Variants in GLI2 observed in about 807,000 individuals in gnomAD.
The protein encoded by GLI2 is transcription activator GLI2.
GLI2 carries 22 observed loss-of-function variants against 78.9 expected under a neutral mutation model. The observed-to-expected ratio is 0.28, with a 90% CI of 0.20 to 0.40. GLI2 has a LOEUF of 0.40. Ranked by LOEUF, GLI2 falls within the 10% of genes least tolerant of loss-of-function variation. GLI2 has a pLI of 1.00. For missense variants in GLI2, 2,097 were observed against 2,213.2 expected, an observed-to-expected ratio of 0.95 and a Z score of 1.05; for synonymous variants, 974 against 963.7, an observed-to-expected ratio of 1.01 and a Z score of -0.20.
intron 2 of GLI2, among the ~76,000 whole-genome samples, chr2:120,893,844 C>A (rs1677802118): frequency 6.6e-6 from 1 of 152,208 alleles, no homozygotes; most frequent in East Asian, 1.9e-4. Flanking sequence ...TTAGTCCAGG[C>A]CTTTGTGGAC....
Position 120,933,293 on chromosome 2 carries a change from A to G in GLI2, c.254+5827A>G, listed in dbSNP as rs1004658919. Among the ~76,000 whole-genome samples the G allele has an allele frequency of 3.9e-5, 6 of 152,180 alleles. No individual in the cohort carries two copies. In the East Asian group the frequency reaches 7.7e-4, roughly 20 times the overall value. On this transcript the variant is annotated intron_variant, in intron 3 of 13. Coordinates refer to ENST00000361492, the MANE Select transcript of GLI2 (RefSeq NM_001374353.1). ...AGGTTCAAATGCACAGCAGGCTTGC[A>G]TGGCTTACTGATGCTCACGTGGTTC...
intron 1 of GLI2, among the ~76,000 whole-genome samples, chr2:120,779,164 G>A (rs536941974): frequency 6.6e-6 from 1 of 152,348 alleles, no homozygotes; most frequent in South Asian, 2.1e-4. Context: ...ATCAGCTCAT[G>A]TGAAACATTT....
At chr2:120,916,001 T>C (rs151269467) in intron 2 of GLI2, among the ~76,000 whole-genome samples, 73 of 152,300 alleles carry the variant, frequency 4.8e-4, no homozygotes, top group African/African-American at 1.7e-3. Context: ...TTCCCCTTCC[T>C]TACTGTGCAA....
intron 5 of GLI2, among the ~76,000 whole-genome samples, chr2:120,961,682 G>A (rs768609154): frequency 1.3e-5 from 2 of 152,150 alleles, no homozygotes; most frequent in East Asian, 1.9e-4. Flanking sequence ...GGGGCATTAA[G>A]GTCCTCAGGT....
intron 2 of GLI2, among the ~76,000 whole-genome samples, chr2:120,898,191 C>A (rs1678073744): frequency 7.0e-6 from 1 of 143,050 alleles, no homozygotes; most frequent in East Asian, 1.9e-4. Flanking sequence ...CACACACACA[C>A]ACACACACAC....
At chr2:120,862,918 C>T (rs1687968941) in intron 2 of GLI2, among the ~76,000 whole-genome samples, 1 of 152,206 alleles carries the variant, frequency 6.6e-6, no homozygotes, top group Admixed American at 6.5e-5. Context: ...CTCTTTCCCT[C>T]CCTGGCTCCC....
At chr2:120,907,473 A>G (rs550857320) in intron 2 of GLI2, among the ~76,000 whole-genome samples, 1 of 152,302 alleles carries the variant, frequency 6.6e-6, no homozygotes, top group African/African-American at 2.4e-5. Flanking sequence ...AAGATCCCAC[A>G]GGGCTCATTT....
At chr2:120,955,158 T>G in intron 4 of GLI2, 87 bp from the exon 5 acceptor site, 4 of 405,354 alleles carry the variant, frequency 9.9e-6, no homozygotes, top group East Asian at 9.7e-5. Flanking sequence ...TCTGCCTTTT[T>G]TTTTTTTTTT....
chr2:120,909,342 G>C (rs557797095), intron 2 of GLI2, among the ~76,000 whole-genome samples: 2 of 152,066 alleles, frequency 1.3e-5, no homozygotes, highest in African/African-American at 4.8e-5. Flanking sequence ...CTCCCCTGCT[G>C]CCCTTCCCTC....
At chr2:120,757,167 T>G (rs1423821092) in intron 1 of GLI2, among the ~76,000 whole-genome samples, 1 of 152,182 alleles carries the variant, frequency 6.6e-6, no homozygotes, top group African/African-American at 2.4e-5. Flanking sequence ...ATTCTAACAT[T>G]TGTACCTGCT....
intron 2 of GLI2, among the ~76,000 whole-genome samples, chr2:120,811,931 G>T (rs1313414818): frequency 6.6e-6 from 1 of 152,008 alleles, no homozygotes; most frequent in Non-Finnish European, 1.5e-5. Context: ...GTAGTCCCTG[G>T]GTGGCAGCAG....
chr2:120,777,282 G>A (rs1320227463), intron 1 of GLI2, among the ~76,000 whole-genome samples: 2 of 152,074 alleles, frequency 1.3e-5, no homozygotes, highest in African/African-American at 4.8e-5. Flanking sequence ...GAGGGTGAGA[G>A]TGTGAGTTCC....
chr2:120,939,024 A>G (rs796734820), intron 3 of GLI2, among the ~76,000 whole-genome samples: 40 of 152,334 alleles, frequency 2.6e-4, no homozygotes, highest in African/African-American at 9.4e-4. Context: ...GCTTACGCCT[A>G]TAATCCCAGC....
At position 120,960,312 on chromosome 2, in the gene GLI2, G is replaced by A. The variant is rs905529985; in HGVS notation, c.643+4882G>A. 5.3e-5 allele frequency among the ~76,000 whole-genome samples: 8 copies of A among 152,292 alleles called. No homozygotes were observed. In the South Asian group the frequency reaches 1.7e-3, roughly 32 times the overall value. On this transcript the variant is annotated intron_variant, in intron 5 of 13. Transcript: ENST00000361492. ...GGTCCCAGAGGAGGGAGCACTGTAGGGGAGAGAACTTTCCAGAGGTTTTGA... is the reference window on the plus strand; with the variant it reads ...GGTCCCAGAGGAGGGAGCACTGTAGAGGAGAGAACTTTCCAGAGGTTTTGA...
intron 3 of GLI2, among the ~76,000 whole-genome samples, chr2:120,947,927 G>A (rs1245999620): frequency 1.3e-5 from 2 of 152,242 alleles, no homozygotes; most frequent in Non-Finnish European, 2.9e-5. Flanking sequence ...CAGGGGAAGA[G>A]CAAGGGTTGC....
intron 2 of GLI2, among the ~76,000 whole-genome samples, chr2:120,871,764 A>G (rs1688443187): frequency 6.6e-6 from 1 of 152,244 alleles, no homozygotes; most frequent in Non-Finnish European, 1.5e-5. Context: ...AAGAAAATGC[A>G]TGTTCAATGT....
rs568770292 is a variant in GLI2 at position 120,908,707 on chromosome 2, G to A, written c.149-18654G>A. On this transcript the variant is annotated intron_variant, in intron 2 of 13. Transcript: ENST00000361492. ...CACACATAGCATGTGCTCTGAAGCT[G>A]AAGCTGTGGTTTAGGGGAAACCAAT... 2.0e-5 allele frequency among the ~76,000 whole-genome samples: 3 copies of A among 152,334 alleles called. No individual in the cohort carries two copies. The South Asian group carries it at 6.2e-4, about 32-fold the overall frequency.
At chr2:120,872,927 T>TG in intron 2 of GLI2, among the ~76,000 whole-genome samples, 1 of 152,200 alleles carries the variant, frequency 6.6e-6, no homozygotes, top group Non-Finnish European at 1.5e-5. Flanking sequence ...ATGGCAATAG[T>TG]AATAAATGTG....
At chr2:120,829,784 C>T (rs1686267137) in intron 2 of GLI2, among the ~76,000 whole-genome samples, 2 of 152,176 alleles carry the variant, frequency 1.3e-5, no homozygotes, top group Admixed American at 6.5e-5. Flanking sequence ...TGCTTCCTGG[C>T]CAGGACCCAT....
Sources: allele counts gnomAD v4.1 joint callset (sites outside exome capture counted in the v4.1 genomes callset), GRCh38; gene constraint gnomAD v4.1.1; transcripts MANE v1.5; gene names NCBI Gene and HGNC (gene_info 2026-07-23, HGNC 2026-07-21).